The following MACROD2 variants were observed in gnomAD, a reference collection of about 807,000 sequenced individuals.
MACROD2 encodes the protein mono-ADP ribosylhydrolase 2.
Under a neutral mutation model 70.4 loss-of-function variants are expected in MACROD2, and 36 were observed. The ratio of observed to expected loss-of-function variants is 0.51; its 90% confidence interval spans 0.39 to 0.68. MACROD2 has a LOEUF of 0.68. Ranked by LOEUF, MACROD2 falls within the 30% of genes least tolerant of loss-of-function variation. The pLI is 0.00. For synonymous variants in MACROD2, 172 were observed against 178.8 expected, an observed-to-expected ratio of 0.96 and a Z score of 0.30; for missense variants, 496 against 538.4, an observed-to-expected ratio of 0.92 and a Z score of 0.78.
chr20:14,051,531 T>C (rs2053567052), intron 2 of MACROD2, among the ~76,000 whole-genome samples: 1 of 152,178 alleles, frequency 6.6e-6, no homozygotes, highest in Admixed American at 6.5e-5. Flanking sequence ...ATAATTTCCT[T>C]ATTGCACATA....
At chr20:15,205,719 T>C (rs993528417) in intron 5 of MACROD2, among the ~76,000 whole-genome samples, 1 of 152,232 alleles carries the variant, frequency 6.6e-6, no homozygotes, top group African/African-American at 2.4e-5. Flanking sequence ...AAATTCTTTG[T>C]TGGTGTTGGG....
At position 14,425,263 on chromosome 20, in the gene MACROD2, A is replaced by C. The variant is rs543946589; in HGVS notation, c.272-68216A>C. On this transcript the variant is annotated intron_variant, in intron 3 of 17. Coordinates refer to ENST00000684519, the MANE Select transcript of MACROD2 (RefSeq NM_001351661.2). The stretch of plus-strand genomic sequence containing the variant: ...TCATTTTTAGGCATTATCTACTGGC[A>C]TTCCATTATGAAAAGATAATTTGTC... 1.2e-3 allele frequency among the ~76,000 whole-genome samples: 186 copies of C among 152,308 alleles called. 2 individuals carry two copies. Among genetic ancestry groups the C allele is most frequent in the Admixed American group, 4.1e-3 (63 of 15,304 alleles).
chr20:14,156,565 A>G (rs1188469761), intron 3 of MACROD2, among the ~76,000 whole-genome samples: 1 of 152,214 alleles, frequency 6.6e-6, no homozygotes, highest in African/African-American at 2.4e-5. Flanking sequence ...AGCCAGATTA[A>G]TTTATAGTAT....
chr20:14,098,021 C>T (rs920222245), intron 3 of MACROD2, among the ~76,000 whole-genome samples: 5 of 152,100 alleles, frequency 3.3e-5, no homozygotes, highest in South Asian at 4.1e-4. Flanking sequence ...TTCAACCTGT[C>T]GTAGAGCCTA....
intron 4 of MACROD2, among the ~76,000 whole-genome samples, chr20:14,617,479 C>G (rs2123443168): frequency 6.6e-6 from 1 of 152,224 alleles, no homozygotes; most frequent in Non-Finnish European, 1.5e-5. Flanking sequence ...TGGGTAAACA[C>G]AAACCATTCT....
At chr20:15,759,692 G>C (rs764550092) in intron 8 of MACROD2, among the ~76,000 whole-genome samples, 4 of 152,154 alleles carry the variant, frequency 2.6e-5, no homozygotes, top group Non-Finnish European at 4.4e-5. Flanking sequence ...GTCTTGCTTT[G>C]AGCACTATTG....
chr20:15,046,471 T>C (rs554721913), intron 5 of MACROD2, among the ~76,000 whole-genome samples: 5 of 152,254 alleles, frequency 3.3e-5, no homozygotes, highest in Non-Finnish European at 7.3e-5. Flanking sequence ...GGTCTGTTTC[T>C]GTCTGTGACA....
intron 5 of MACROD2, among the ~76,000 whole-genome samples, chr20:15,188,821 A>T (rs2076550734): frequency 6.6e-6 from 1 of 152,144 alleles, no homozygotes. Flanking sequence ...CCCCCCTAAA[A>T]TAGTAAGAAC....
chr20:14,930,059 G>A (rs1282876913), intron 5 of MACROD2, among the ~76,000 whole-genome samples: 1 of 150,910 alleles, frequency 6.6e-6, no homozygotes, highest in Non-Finnish European at 1.5e-5. Flanking sequence ...CTACTCATGA[G>A]GCTGAGGCAG....
intron 7 of MACROD2, among the ~76,000 whole-genome samples, chr20:15,461,282 A>G (rs893771044): frequency 2.6e-5 from 4 of 152,144 alleles, no homozygotes; most frequent in Admixed American, 6.5e-5. Flanking sequence ...AGAATGTGTT[A>G]AAGTAACATT....
intron 3 of MACROD2, among the ~76,000 whole-genome samples, chr20:14,316,748 A>C (rs780692598): frequency 6.6e-6 from 1 of 152,172 alleles, no homozygotes; most frequent in Non-Finnish European, 1.5e-5. Flanking sequence ...ACTATTTAAG[A>C]AGAAATCCAT....
intron 4 of MACROD2, among the ~76,000 whole-genome samples, chr20:14,562,304 T>G (rs553451593): frequency 6.6e-6 from 1 of 151,996 alleles, no homozygotes; most frequent in Non-Finnish European, 1.5e-5. Context: ...TGTCTAAATA[T>G]GTAAGTAGAG....
At chr20:15,945,491 T>A (rs2065809633) in intron 12 of MACROD2, among the ~76,000 whole-genome samples, 1 of 152,254 alleles carries the variant, frequency 6.6e-6, no homozygotes, top group Non-Finnish European at 1.5e-5. Context: ...TTTGCACACA[T>A]ATCCTTATAT....
intron 5 of MACROD2, among the ~76,000 whole-genome samples, chr20:15,000,995 C>T (rs2074990772): frequency 6.6e-6 from 1 of 152,162 alleles, no homozygotes; most frequent in Non-Finnish European, 1.5e-5. Context: ...ATTTTCACTT[C>T]ATCACACCTT....
intron 12 of MACROD2, among the ~76,000 whole-genome samples, chr20:15,942,507 T>C (rs1052738047): frequency 3.9e-5 from 6 of 152,214 alleles, no homozygotes; most frequent in African/African-American, 1.4e-4. Context: ...GAGGACTTCT[T>C]TCTCTACTGG....
chr20:15,903,128 C>T (rs1236354507), intron 10 of MACROD2, among the ~76,000 whole-genome samples: 1 of 152,102 alleles, frequency 6.6e-6, no homozygotes. Flanking sequence ...GTATTCCAAG[C>T]CCTTTGAGAG....
At chr20:14,674,966 T>G (rs1328598270) in intron 4 of MACROD2, among the ~76,000 whole-genome samples, 6 of 152,156 alleles carry the variant, frequency 3.9e-5, no homozygotes, top group African/African-American at 1.4e-4. Context: ...ATCCAAGAAC[T>G]CCAAAATCTC....
intron 1 of MACROD2, among the ~76,000 whole-genome samples, chr20:14,001,161 G>A (rs898953974): frequency 2.0e-5 from 3 of 152,062 alleles, no homozygotes; most frequent in Non-Finnish European, 2.9e-5. Context: ...TTTAATTTTG[G>A]CTCACTTCCT....
chr20:15,366,615 A>G (rs2045412572), intron 6 of MACROD2, among the ~76,000 whole-genome samples: 1 of 151,350 alleles, frequency 6.6e-6, no homozygotes, highest in Non-Finnish European at 1.5e-5. Flanking sequence ...TGGTGGTGCA[A>G]TCATAGCTCA....
Sources: gnomAD v4.1 joint callset for allele counts (sites outside exome capture counted in the v4.1 genomes callset) on GRCh38, gnomAD v4.1.1 for gene constraint, MANE v1.5 for transcripts, NCBI Gene and HGNC (gene_info 2026-07-23, HGNC 2026-07-21) for gene names.